ZMYM2: variants seen among roughly 807,000 people sequenced by gnomAD.
The protein encoded by ZMYM2 is zinc finger MYM-type containing 2, also known as zinc finger MYM-type protein 2.
In ZMYM2, 56 loss-of-function variants were observed where a neutral mutation model predicts 162.8. That is an observed-to-expected ratio of 0.34 (90% CI 0.28 to 0.43). The LOEUF is 0.43. Among genes scored for constraint, ZMYM2 ranks in the 20% least tolerant of loss-of-function variants. ZMYM2 has a pLI of 1.00. For missense variants in ZMYM2, 1,275 were observed against 1,621.8 expected, an observed-to-expected ratio of 0.79 and a Z score of 3.67; for synonymous variants, 510 against 541.6, an observed-to-expected ratio of 0.94 and a Z score of 0.81.
chr13:19,986,795 A>G (rs9579757), intron 2 of ZMYM2, among the ~76,000 whole-genome samples: 15,417 of 151,998 alleles, frequency 0.1, 1,293 homozygotes, highest in African/African-American at 0.22. Context: ...TATTATATCA[A>G]TTGCACAGAT....
upstream of ZMYM2, among the ~76,000 whole-genome samples, chr13:19,955,495 T>C (rs115742854): frequency 2.5e-3 from 387 of 152,342 alleles, 1 homozygote; most frequent in African/African-American, 9.2e-3. Flanking sequence ...ATGGGGGCAG[T>C]CTGGCTCTTT....
intron 21 of ZMYM2, among the ~76,000 whole-genome samples, chr13:20,075,667 C>T (rs1020416764): frequency 1.2e-4 from 14 of 119,062 alleles, no homozygotes; most frequent in African/African-American, 4.7e-4. Flanking sequence ...GAACTATAGA[C>T]ACCTTTTTTT....
chr13:20,038,737 C>T (rs946606388), intron 12 of ZMYM2, among the ~76,000 whole-genome samples: 3 of 150,586 alleles, frequency 2.0e-5, no homozygotes, highest in African/African-American at 7.3e-5. Flanking sequence ...TTGCATTTTG[C>T]TTAGGATGGC....
intron 21 of ZMYM2, among the ~76,000 whole-genome samples, chr13:20,072,948 G>A (rs937991867): frequency 6.0e-5 from 9 of 149,786 alleles, no homozygotes; most frequent in South Asian, 2.1e-4. Flanking sequence ...TCACTTTGTC[G>A]CACAGGCTGG....
the ZMYM2 span, among the ~76,000 whole-genome samples, chr13:19,915,534 T>C: frequency 3.6e-3 from 553 of 152,158 alleles, 2 homozygotes; most frequent in Non-Finnish European, 6.0e-3. Flanking sequence ...GATGGAGTTT[T>C]GTTCTTTCTC....
rs554097781 is a variant in ZMYM2 at position 19,968,108 on chromosome 13, C to A, written c.-11+8082C>A. Among the ~76,000 whole-genome samples the A allele has an allele frequency of 1.1e-4, 16 of 152,340 alleles. No individual in the cohort carries two copies. The East Asian group carries it at 2.1e-3, about 20-fold the overall frequency. On this transcript the variant is annotated intron_variant, in intron 2 of 24. Coordinates refer to ENST00000610343, the MANE Select transcript of ZMYM2 (RefSeq NM_197968.4). ...CTGTCAACACTATAACAAATCTCTT[C>A]TGAGGTCGCTAGTGACCTAATTGCC... is the stretch of plus-strand genomic sequence containing the variant.
intron 2 of ZMYM2, among the ~76,000 whole-genome samples, chr13:19,987,056 G>A (rs1024597182): frequency 7.6e-6 from 1 of 130,766 alleles, no homozygotes; most frequent in Admixed American, 9.4e-5. Context: ...AGTGAGCTGT[G>A]ATCGTGCCAC....
chr13:20,042,724 A>ATT (rs563153133), intron 12 of ZMYM2, among the ~76,000 whole-genome samples: 12,102 of 150,028 alleles, frequency 0.081, 705 homozygotes, highest in African/African-American at 0.16. Flanking sequence ...TATTATTATT[A>ATT]TTTTTTTTTA....
At chr13:19,918,435 ACTCTGC>A in the ZMYM2 span, among the ~76,000 whole-genome samples, 1 of 150,086 alleles carries the variant, frequency 6.7e-6, no homozygotes, top group Admixed American at 6.7e-5. Flanking sequence ...ACAGAGCAAA[ACTCTGC>A]CTCAAAAAAC....
At position 20,005,098 on chromosome 13, in the gene ZMYM2, C is replaced by T. The variant is rs1950645569; in HGVS notation, c.1158C>T (p.Thr386=). 1 of 1,606,432 alleles carries T rather than the reference C, an allele frequency of 6.2e-7. No homozygotes were observed. Among genetic ancestry groups the T allele is most frequent in the South Asian group, 1.1e-5 (1 of 89,510 alleles). The change falls in exon 5 of 25, where the codon ACC becomes ACT. Residue 386 remains threonine, a synonymous_variant. Transcript: ENST00000610343. The part of the protein sequence containing the change: ...CKKDITTMKG[T]IVAQVDSSES... ...GAGATATAACTACAATGAAAGGAAC[C>T]ATTGTTGCTCAAGTGGATTCAAGTG...
At chr13:19,904,519 T>C in the ZMYM2 span, among the ~76,000 whole-genome samples, 2 of 152,036 alleles carry the variant, frequency 1.3e-5, no homozygotes, top group African/African-American at 4.8e-5. Context: ...GATGGCGCCA[T>C]TGCACTCCAG....
chr13:19,900,399 A>G, the ZMYM2 span, among the ~76,000 whole-genome samples: 1 of 152,210 alleles, frequency 6.6e-6, no homozygotes, highest in Non-Finnish European at 1.5e-5. Flanking sequence ...TCATAACAAA[A>G]TAGCGTATCT....
At chr13:20,084,297 G>C (rs1435539213) in intron 24 of ZMYM2, among the ~76,000 whole-genome samples, 1 of 152,192 alleles carries the variant, frequency 6.6e-6, no homozygotes, top group Non-Finnish European at 1.5e-5. Context: ...ACAGGCATGA[G>C]CCATTGCGCC....
chr13:20,047,270 C>G (rs1280488455), intron 12 of ZMYM2, among the ~76,000 whole-genome samples: 2 of 152,158 alleles, frequency 1.3e-5, no homozygotes, highest in Non-Finnish European at 2.9e-5. Context: ...ACTGTATTTT[C>G]TTATACCCCC....
chr13:20,019,641 T>TTCAAGGCC (rs1951906204), intron 7 of ZMYM2, 23 bp downstream of exon 7: 1 of 1,572,720 alleles, frequency 6.4e-7, no homozygotes, highest in East Asian at 2.3e-5. Context: ...GTAAATGGAG[T>TTCAAGGCC]TCAAGGCCTT....
intron 6 of ZMYM2, 58 bp downstream of exon 6, chr13:20,006,644 A>T: frequency 2.0e-6 from 3 of 1,525,988 alleles, no homozygotes; most frequent in Non-Finnish European, 2.7e-6. Context: ...AAAGTGTTGT[A>T]ATACTTTTAC....
chr13:20,050,657 G>T (rs1228661498), intron 12 of ZMYM2, among the ~76,000 whole-genome samples: 2 of 151,924 alleles, frequency 1.3e-5, no homozygotes, highest in East Asian at 3.9e-4. Context: ...GTGAAAATGG[G>T]CAAAATCTAG....
At chr13:20,070,471 A>C in intron 21 of ZMYM2, 1 of 155,950 alleles carries the variant, frequency 6.4e-6, no homozygotes, top group Non-Finnish European at 1.5e-5. Context: ...AATATTATAA[A>C]TAGGATGCAT....
chr13:19,925,132 C>T, the ZMYM2 span, among the ~76,000 whole-genome samples: 1 of 152,186 alleles, frequency 6.6e-6, no homozygotes, highest in Non-Finnish European at 1.5e-5. Context: ...GATCTGCCTG[C>T]CTTGGCCTCC....
Sources: allele counts gnomAD v4.1 joint callset (sites outside exome capture counted in the v4.1 genomes callset), GRCh38; gene constraint gnomAD v4.1.1; transcripts MANE v1.5; gene names NCBI Gene and HGNC (gene_info 2026-07-23, HGNC 2026-07-21).